MAPK10: variants seen among roughly 807,000 people sequenced by gnomAD.
MAPK10 encodes the protein mitogen-activated protein kinase 10.
Under a neutral mutation model 59.3 loss-of-function variants are expected in MAPK10, and 25 were observed. That is an observed-to-expected ratio of 0.42 (90% confidence interval 0.31 to 0.59). The LOEUF is 0.59. MAPK10 is among the 20% of genes least tolerant of loss of function. MAPK10 has a pLI of 0.15. For missense variants in MAPK10, 351 were observed against 568.9 expected (o/e 0.62, Z 3.90); for synonymous variants, 190 against 200.5 (o/e 0.95, Z 0.44).
At chr4:86,087,988 C>G (rs975719061) in intron 9 of MAPK10, among the ~76,000 whole-genome samples, 4 of 151,970 alleles carry the variant, frequency 2.6e-5, no homozygotes, top group African/African-American at 9.7e-5. Flanking sequence ...ATTATAGGCT[C>G]AATTTTATTT....
chr4:86,392,999 G>A (rs1742441919), intron 1 of MAPK10, among the ~76,000 whole-genome samples: 1 of 152,160 alleles, frequency 6.6e-6, no homozygotes, highest in South Asian at 2.1e-4. Context: ...CAAGGCTTCT[G>A]GAGTCATACT....
At chr4:86,404,540 C>T (rs1174084558) in intron 1 of MAPK10, among the ~76,000 whole-genome samples, 2 of 152,144 alleles carry the variant, frequency 1.3e-5, no homozygotes, top group African/African-American at 4.8e-5. Flanking sequence ...TTTTTATGTA[C>T]TGTGGAGGTT....
intron 2 of MAPK10, among the ~76,000 whole-genome samples, chr4:86,265,044 C>A (rs1299295916): frequency 3.3e-5 from 5 of 151,754 alleles, no homozygotes; most frequent in South Asian, 2.1e-4. Context: ...GTGTGTGCTA[C>A]GACACCCAGC....
chr4:86,232,520 C>T (rs2091706457), intron 2 of MAPK10, among the ~76,000 whole-genome samples: 1 of 152,056 alleles, frequency 6.6e-6, no homozygotes, highest in Non-Finnish European at 1.5e-5. Context: ...ACTACAGGTG[C>T]TCACCACCAC....
intron 2 of MAPK10, among the ~76,000 whole-genome samples, chr4:86,247,008 G>A (rs1288017608): frequency 6.6e-6 from 1 of 152,198 alleles, no homozygotes; most frequent in Non-Finnish European, 1.5e-5. Context: ...ACTCCTTGGT[G>A]GGAGGGTAGG....
Position 86,562,155 on chromosome 4 carries a change from A to C in MAPK10, c.-263+31755T>G, listed in dbSNP as rs371809040. ...AGGATCCCTTGGGCCCCAGCGTTCA[A>C]GACCAGCCTTGGCAACATAGGGAAA... On this transcript the variant is annotated intron_variant, in intron 1 of 4. Transcript: ENST00000502302. Among the ~76,000 whole-genome samples, 38 of 152,302 alleles carry C rather than the reference A, an allele frequency of 2.5e-4. No homozygotes were observed. In the East Asian group the frequency reaches 3.5e-3, roughly 14 times the overall value.
At chr4:86,496,631 T>C (rs936349930) in intron 1 of MAPK10, among the ~76,000 whole-genome samples, 7 of 152,200 alleles carry the variant, frequency 4.6e-5, no homozygotes, top group African/African-American at 1.7e-4. Context: ...GTTAAGTTTT[T>C]TTAGAGATTC....
intron 1 of MAPK10, among the ~76,000 whole-genome samples, chr4:86,556,844 C>A (rs753130482): frequency 6.6e-6 from 1 of 151,928 alleles, no homozygotes; most frequent in Non-Finnish European, 1.5e-5. Context: ...AAAATGAGAA[C>A]CATTTTTATA....
At chr4:86,135,838 A>C (rs1329124236) in intron 4 of MAPK10, among the ~76,000 whole-genome samples, 1 of 152,234 alleles carries the variant, frequency 6.6e-6, no homozygotes, top group Non-Finnish European at 1.5e-5. Context: ...AGAAGTGCTT[A>C]AAGGAGCTGA....
chr4:86,310,248 C>T (rs1426599548), intron 2 of MAPK10, among the ~76,000 whole-genome samples: 1 of 152,092 alleles, frequency 6.6e-6, no homozygotes, highest in Non-Finnish European at 1.5e-5. Context: ...AGCCGTGCCC[C>T]GACCACCTTG....
intron 1 of MAPK10, among the ~76,000 whole-genome samples, chr4:86,394,440 C>T (rs928802979): frequency 6.6e-6 from 1 of 152,024 alleles, no homozygotes; most frequent in Non-Finnish European, 1.5e-5. Flanking sequence ...ACTGAGAAAA[C>T]ATATATATCT....
intron 1 of MAPK10, among the ~76,000 whole-genome samples, chr4:86,589,647 A>C (rs892127842): frequency 6.6e-6 from 1 of 150,470 alleles, no homozygotes; most frequent in Non-Finnish European, 1.5e-5. Flanking sequence ...GCGCCATTGC[A>C]CTCCAGCCAG....
intron 2 of MAPK10, among the ~76,000 whole-genome samples, chr4:86,331,817 T>C (rs1439587407): frequency 2.0e-5 from 3 of 152,226 alleles, no homozygotes; most frequent in Non-Finnish European, 2.9e-5. Context: ...TTATAGGTAA[T>C]GTGAACAAAT....
intron 2 of MAPK10, among the ~76,000 whole-genome samples, chr4:86,292,486 G>A (rs542632533): frequency 4.6e-5 from 7 of 152,274 alleles, no homozygotes; most frequent in African/African-American, 1.7e-4. Flanking sequence ...GGAGACCGAG[G>A]TGGGAGGACA....
intron 9 of MAPK10, chr4:86,079,587 GA>G (rs1036462695): frequency 2.0e-5 from 3 of 152,120 alleles, no homozygotes. Flanking sequence ...AGAGGCCTTG[GA>G]GATCATGTAA....
intron 1 of MAPK10, among the ~76,000 whole-genome samples, chr4:86,439,274 T>G (rs999395050): frequency 6.6e-6 from 1 of 152,178 alleles, no homozygotes. Flanking sequence ...AGTCAGCCTC[T>G]CACCCCATCT....
chr4:86,359,547 C>A, intron 1 of MAPK10, 111 bp downstream of exon 1: 1 of 333,974 alleles, frequency 3.0e-6, no homozygotes, highest in Non-Finnish European at 4.3e-6. Context: ...TCCACCCCAC[C>A]TCTCTCGTCT....
At chr4:86,424,426 G>A (rs543836610) in intron 1 of MAPK10, among the ~76,000 whole-genome samples, 4 of 152,224 alleles carry the variant, frequency 2.6e-5, no homozygotes, top group Admixed American at 1.3e-4. Context: ...CTGACCTCAA[G>A]TGATCTGCTC....
chr4:86,219,779 A>C (rs192442290), intron 2 of MAPK10: 99 of 152,230 alleles, frequency 6.5e-4, no homozygotes, highest in Admixed American at 5.4e-3. Flanking sequence ...TTTCAGGTAT[A>C]ATATCAATAT....
Sources: gnomAD v4.1 joint callset for allele counts (sites outside exome capture counted in the v4.1 genomes callset) on GRCh38, gnomAD v4.1.1 for gene constraint, MANE v1.5 for transcripts, NCBI Gene and HGNC (gene_info 2026-07-23, HGNC 2026-07-21) for gene names.